RCHY1: variants seen among roughly 807,000 people sequenced by gnomAD.
RCHY1 encodes RING finger and CHY zinc finger domain-containing protein 1.
Under a neutral mutation model 41.6 loss-of-function variants are expected in RCHY1, and 21 were observed. That is an observed-to-expected ratio of 0.51 (90% CI 0.36 to 0.73). The LOEUF is 0.73. Among genes scored for constraint, RCHY1 ranks in the 30% least tolerant of loss-of-function variants. The probability of loss-of-function intolerance (pLI) is 0.00; values close to 1 mark genes in which losing one functional copy is unlikely to be tolerated. For synonymous variants in RCHY1, 79 were observed against 102.9 expected (o/e 0.77, Z 1.41); for missense variants, 265 against 325.3 (o/e 0.81, Z 1.43).
Position 75,490,651 on chromosome 4 carries a change from T to A in RCHY1, c.587A>T (p.Tyr196Phe), listed in dbSNP as rs750596873. ...TACTTCATCATCCAGCTGTCTCCAA[T>A]ACCTGGTCATATCTAAAGCAGAGTG... Reference protein sequence around the residue: ...CMHSALDMTRYWRQLDDEVAQ... With the variant: ...CMHSALDMTRFWRQLDDEVAQ... The change falls in exon 8 of 9, where the codon TAT becomes TTT. Residue 196 changes from tyrosine (Y) to phenylalanine (F), a missense_variant. Transcript: ENST00000324439. 3 of 1,608,520 alleles carry A rather than the reference T, an allele frequency of 1.9e-6. No individual in the cohort carries two copies. The East Asian group carries it at 6.7e-5, about 36-fold the overall frequency.
intron 1 of RCHY1, among the ~76,000 whole-genome samples, chr4:75,512,976 A>C (rs942799490): frequency 3.4e-5 from 5 of 148,530 alleles, no homozygotes; most frequent in African/African-American, 1.3e-4. Context: ...TATGATACAC[A>C]GATCTAATTG....
chr4:75,506,604 T>G (rs552331471), intron 3 of RCHY1, among the ~76,000 whole-genome samples: 2 of 151,662 alleles, frequency 1.3e-5, no homozygotes, highest in African/African-American at 4.8e-5. Context: ...AGTATCCAAT[T>G]TAAGCATAAA....
chr4:75,499,768 G>T (rs1462928635), intron 3 of RCHY1, among the ~76,000 whole-genome samples: 1 of 152,176 alleles, frequency 6.6e-6, no homozygotes, highest in Non-Finnish European at 1.5e-5. Context: ...GCCTACAAGG[G>T]TAGGGAGGAT....
At chr4:75,508,574 C>T (rs1300973461) in intron 3 of RCHY1, among the ~76,000 whole-genome samples, 2 of 152,028 alleles carry the variant, frequency 1.3e-5, no homozygotes, top group South Asian at 4.1e-4. Context: ...AATAGTTATA[C>T]AATAATTGAT....
At chr4:75,489,547 A>AAGATATTGC (rs1412365532) in intron 8 of RCHY1, among the ~76,000 whole-genome samples, 2 of 63,866 alleles carry the variant, frequency 3.1e-5, no homozygotes, top group Non-Finnish European at 6.2e-5. Flanking sequence ...GCCTTGGTCA[A>AAGATATTGC]AGATATTGCA....
chr4:75,493,609 G>A (rs1722936528), intron 4 of RCHY1, among the ~76,000 whole-genome samples: 2 of 151,754 alleles, frequency 1.3e-5, no homozygotes, highest in South Asian at 4.1e-4. Flanking sequence ...GATAGAATCA[G>A]TACTATAATG....
chr4:75,502,477 T>C (rs1723875146), intron 3 of RCHY1, among the ~76,000 whole-genome samples: 1 of 152,090 alleles, frequency 6.6e-6, no homozygotes, highest in East Asian at 1.9e-4. Flanking sequence ...GAGGCAGAGC[T>C]TGCAGTGAGC....
At position 75,491,889 on chromosome 4, in the gene RCHY1, CT is replaced by C; in HGVS notation, c.449del (p.Glu150GlyfsTer28). On this transcript the variant is annotated frameshift_variant and splice_region_variant, in exon 5 of 9. Coordinates refer to ENST00000324439, the MANE Select transcript of RCHY1 (RefSeq NM_015436.4). LOFTEE classifies it high-confidence loss of function. ...AAAGTAAAAAATATTTTAAGCCTAC[CT>C]CCAAACATATTGGACAATTCTGTCG... ...VSRQNCPICL[E>X]DIHTSRVVAH... The C allele has an allele frequency of 6.2e-7, 1 of 1,608,888 alleles. No homozygotes were observed. The highest frequency in any genetic ancestry group is 8.5e-7 in the Non-Finnish European group (1 of 1,177,850).
chr4:75,509,179 G>A lies in RCHY1; in HGVS notation c.208C>T (p.His70Tyr). 1 of 1,608,732 alleles carries A rather than the reference G, an allele frequency of 6.2e-7. No individual in the cohort carries two copies. The highest frequency in any genetic ancestry group is 8.5e-7 in the Non-Finnish European group (1 of 1,177,870). The change falls in exon 2 of 9, where the codon CAT becomes TAT. Residue 70 changes from histidine to tyrosine, a missense_variant and splice_region_variant. Physicochemically the swap from His to Tyr is moderately conservative, Grantham distance 83 (BLOSUM62 2). Coordinates refer to ENST00000324439, the MANE Select transcript of RCHY1 (RefSeq NM_015436.4). ...ATAGAAATGTCATAAAATCTTACAT[G>A]TTGAATTTTTTCACAGTTTATGCAC... ...VQCINCEKIQHAQQTCEECST... is the reference protein window; with the variant it reads ...VQCINCEKIQYAQQTCEECST...
At chr4:75,496,940 A>G (rs1008855084) in intron 3 of RCHY1, among the ~76,000 whole-genome samples, 14 of 152,136 alleles carry the variant, frequency 9.2e-5, no homozygotes, top group Admixed American at 3.3e-4. Flanking sequence ...AATACAGGGC[A>G]TTAAAAGTTA....
intron 7 of RCHY1, 33 bp downstream of exon 7, chr4:75,491,578 C>T (rs1345523081): frequency 6.3e-7 from 1 of 1,584,766 alleles, no homozygotes; most frequent in Non-Finnish European, 8.7e-7. Flanking sequence ...AGTCAAACAT[C>T]TTACAATTAT....
chr4:75,493,887 A>G lies in RCHY1; in HGVS notation c.405+214T>C, dbSNP rs192711922. Among the ~76,000 whole-genome samples the G allele has an allele frequency of 6.6e-3, 1,006 of 151,960 alleles. 11 individuals carry two copies. Among genetic ancestry groups the G allele is most frequent in the Non-Finnish European group, 0.011 (723 of 67,772 alleles). ...CATTATGCTAGTAAGTGATATAAGC[A>G]TTCTTACACTACAGAGAAGAAAAGG... On this transcript the variant is annotated intron_variant, in intron 4 of 8. Coordinates refer to ENST00000324439, the MANE Select transcript of RCHY1 (RefSeq NM_015436.4).
chr4:75,509,126 C>G lies in RCHY1; in HGVS notation c.210+51G>C, dbSNP rs773374603. ...ATACTTTTGATTAAATTTTTTCAAA[C>G]CACCTTAATACAGCTTTTAAAAAGA... On this transcript the variant is annotated intron_variant, in intron 2 of 8. Transcript: ENST00000324439. The G allele has an allele frequency of 2.0e-6, 3 of 1,523,024 alleles. No homozygotes were observed. In the Admixed American group the frequency reaches 6.2e-5, roughly 32 times the overall value. 94.3% of individuals were successfully genotyped at this position (1,523,024 alleles called of 1,614,324 possible).
intron 8 of RCHY1, 122 bp from the exon 9 acceptor site, chr4:75,482,788 T>C (rs144093791): frequency 0.014 from 8,830 of 631,564 alleles, 83 homozygotes; most frequent in Non-Finnish European, 0.017. Flanking sequence ...GTCTAAAAAT[T>C]TCCAAAAGTA....
intron 3 of RCHY1, among the ~76,000 whole-genome samples, chr4:75,499,560 A>G (rs1241675993): frequency 1.3e-5 from 2 of 152,250 alleles, no homozygotes; most frequent in South Asian, 2.1e-4. Context: ...AAAATATGGT[A>G]TATGTACACT....
intron 8 of RCHY1, among the ~76,000 whole-genome samples, chr4:75,487,179 C>A (rs59581284): frequency 0.65 from 99,307 of 151,750 alleles, 33,065 homozygotes; most frequent in African/African-American, 0.78. Flanking sequence ...TATTAAAATT[C>A]GCTTTAGTCC....
chr4:75,487,592 A>AATATATTCATAAT (rs1722208757), intron 8 of RCHY1, among the ~76,000 whole-genome samples: 5 of 55,560 alleles, frequency 9.0e-5, no homozygotes, highest in Non-Finnish European at 1.2e-4. Context: ...ATATATTCAT[A>AATATATTCATAAT]ATATATATTC....
chr4:75,494,480 C>A, intron 3 of RCHY1: 1 of 271,444 alleles, frequency 3.7e-6, no homozygotes, highest in East Asian at 9.2e-5. Flanking sequence ...TCTACAGATG[C>A]CATTCTGCAA....
At chr4:75,487,742 C>CATATATATATTCATAATATATATATTA (rs1722310532) in intron 8 of RCHY1, among the ~76,000 whole-genome samples, 1 of 44,224 alleles carries the variant, frequency 2.3e-5, no homozygotes, top group Non-Finnish European at 4.0e-5. Context: ...AATATATATT[C>CATATATATATTCATAATATATATATTA]ATATATATAT....
Sources: gnomAD v4.1 joint callset for allele counts (sites outside exome capture counted in the v4.1 genomes callset) on GRCh38, gnomAD v4.1.1 for gene constraint, MANE v1.5 for transcripts, NCBI Gene and HGNC (gene_info 2026-07-23, HGNC 2026-07-21) for gene names.